The following ASCL5 variants were observed in gnomAD, a reference collection of about 807,000 sequenced individuals.
ASCL5 encodes the protein achaete-scute homolog 5.
For missense variants in ASCL5, 262 were observed against 268.9 expected (o/e 0.97, Z 0.18); for synonymous variants, 124 against 131.5 (o/e 0.94, Z 0.39).
At chr1:201,124,320 C>G (rs927739205) in intron 1 of ASCL5, among the ~76,000 whole-genome samples, 1 of 152,154 alleles carries the variant, frequency 6.6e-6, no homozygotes, top group African/African-American at 2.4e-5. Context: ...GGGTGGGTAC[C>G]ATGGAAGCTG....
At chr1:201,117,536 A>G (rs1300404266) in intron 1 of ASCL5, among the ~76,000 whole-genome samples, 2 of 152,260 alleles carry the variant, frequency 1.3e-5, no homozygotes, top group East Asian at 3.9e-4. Context: ...TTTCAAGAGA[A>G]GGTTCTAGAA....
intron 1 of ASCL5, among the ~76,000 whole-genome samples, chr1:201,126,331 G>A (rs1663580686): frequency 6.6e-6 from 1 of 151,984 alleles, no homozygotes; most frequent in Non-Finnish European, 1.5e-5. Flanking sequence ...TGAACTTCTG[G>A]CTTCAAGTGA....
intron 1 of ASCL5, among the ~76,000 whole-genome samples, chr1:201,120,659 G>A (rs993989154): frequency 1.3e-5 from 2 of 152,232 alleles, no homozygotes; most frequent in Non-Finnish European, 2.9e-5. Context: ...GAACTTTGAA[G>A]AAGCAGACAA....
chr1:201,122,196 G>C (rs1186841265), intron 1 of ASCL5, among the ~76,000 whole-genome samples: 1 of 152,148 alleles, frequency 6.6e-6, no homozygotes, highest in African/African-American at 2.4e-5. Flanking sequence ...GGGCCCCAGA[G>C]CCTGCTTAGC....
intron 1 of ASCL5, among the ~76,000 whole-genome samples, chr1:201,118,028 T>C (rs1447238707): frequency 3.9e-5 from 6 of 152,262 alleles, no homozygotes; most frequent in Admixed American, 3.9e-4. Context: ...CAAGTACAAC[T>C]TACTATTTGT....
chr1:201,116,931 C>A (rs1663361801), intron 1 of ASCL5, among the ~76,000 whole-genome samples: 1 of 152,142 alleles, frequency 6.6e-6, no homozygotes, highest in African/African-American at 2.4e-5. Flanking sequence ...ACGGCCTCTC[C>A]AAGAGACAGA....
chr1:201,115,078 C>T lies in ASCL5; in HGVS notation c.295G>A (p.Val99Ile), dbSNP rs1423489866. The T allele has an allele frequency of 3.2e-6, 4 of 1,231,830 alleles. No homozygotes were observed. In the East Asian group the frequency reaches 1.3e-4, roughly 39 times the overall value. 76.3% of individuals were successfully genotyped at this position (1,231,830 alleles called of 1,614,324 possible). The part of the protein sequence containing the change: ...NERERQRVKC[V>I]NEGYARLRGH... The stretch of plus-strand genomic sequence containing the variant: ...CGGAGGCGAGCGTAGCCCTCGTTGA[C>T]GCACTTGACTCGCTGCCTCTCGCGC... Residue 99 changes from valine (V) to isoleucine (I), a missense_variant, in exon 2 of 2, where the codon GTC (valine) becomes ATC (isoleucine). Coordinates refer to ENST00000449188, the MANE Select transcript of ASCL5 (RefSeq NM_001270601.2).
At chr1:201,121,476 AT>A (rs916875626) in intron 1 of ASCL5, among the ~76,000 whole-genome samples, 29 of 152,246 alleles carry the variant, frequency 1.9e-4, no homozygotes, top group African/African-American at 6.0e-4. Context: ...TCCTTTAGGA[AT>A]TCAGTTTTGT....
rs80231714 is a variant in ASCL5, at chr1:201,115,461, A to G, written c.-89T>C. 0.018 allele frequency: 19,738 copies of G among 1,110,980 alleles called. 412 individuals carry two copies. Among genetic ancestry groups the G allele is most frequent in the East Asian group, 0.089 (2,760 of 31,046 alleles). The allele number at this position is 1,110,980 out of a possible 1,614,324, so 68.8% of individuals were successfully genotyped here. A position where few individuals can be genotyped will look rare whatever the true frequency, so the allele number is the denominator to read the frequency against. On this transcript the variant is annotated 5_prime_UTR_variant, in exon 2 of 2. An upstream open reading frame in the 5' UTR loses its in-frame stop. Coordinates refer to ENST00000449188, the MANE Select transcript of ASCL5 (RefSeq NM_001270601.2). ...ACCGTCTCCACCAGTGGGGCAAGTC[A>G]CATCGCTAGCAGCAGCTCTTGGGTA...
At chr1:201,125,717 C>A (rs997815883) in intron 1 of ASCL5, among the ~76,000 whole-genome samples, 6 of 152,140 alleles carry the variant, frequency 3.9e-5, no homozygotes, top group Non-Finnish European at 8.8e-5. Context: ...CTGTATCCTG[C>A]GGGCCCAGCC....
intron 1 of ASCL5, among the ~76,000 whole-genome samples, chr1:201,122,197 C>T (rs921053688): frequency 1.3e-5 from 2 of 152,170 alleles, no homozygotes; most frequent in African/African-American, 4.8e-5. Flanking sequence ...GGCCCCAGAG[C>T]CTGCTTAGCC....
rs1285241394 is a variant in ASCL5 at position 201,114,676 on chromosome 1, A to G, written c.*76T>C. On this transcript the variant is annotated 3_prime_UTR_variant, in exon 2 of 2. Coordinates refer to ENST00000449188, the MANE Select transcript of ASCL5 (RefSeq NM_001270601.2). ...CCTGCGGCGCATCGCGGGTGACCCA[A>G]CAGCCTCCCGCTGCTCCCGAAAGTG... 1 of 1,198,244 alleles carries G rather than the reference A, an allele frequency of 8.3e-7. No homozygotes were observed. Among genetic ancestry groups the G allele is most frequent in the Admixed American group, 4.3e-5 (1 of 23,444 alleles). The allele number at this position is 1,198,244 out of a possible 1,614,324, so 74.2% of individuals were successfully genotyped here. A position where few individuals can be genotyped will look rare whatever the true frequency, so the allele number is the denominator to read the frequency against.
rs531346128 is a variant in ASCL5 at position 201,114,749 on chromosome 1, C to A, written c.*3G>T. On this transcript the variant is annotated 3_prime_UTR_variant, in exon 2 of 2. Transcript: ENST00000449188. ...TCCAAGCCGGGGGCGGCCACAGGCC[C>A]GATCAATGCCAGGATTCCTCCGACT... 734 of 1,230,992 alleles carry A rather than the reference C, an allele frequency of 6.0e-4. 1 individual carries two copies. The highest frequency in any genetic ancestry group is 6.9e-4 in the Non-Finnish European group (685 of 987,484). The allele number at this position is 1,230,992 out of a possible 1,614,324, so 76.3% of individuals were successfully genotyped here. A position where few individuals can be genotyped will look rare whatever the true frequency, so the allele number is the denominator to read the frequency against.
Position 201,116,546 on chromosome 1 carries a change from A to T in ASCL5, c.-505-669T>A, listed in dbSNP as rs558901011. Among the ~76,000 whole-genome samples the T allele has an allele frequency of 2.6e-5, 4 of 152,290 alleles. No individual in the cohort carries two copies. The East Asian group carries it at 7.7e-4, about 29-fold the overall frequency. ...GAGCCTAGCCCAGCCCCTGTTGAGTATTAGATGCTCCACAAATACATGTGG... is the reference window on the plus strand; with the variant it reads ...GAGCCTAGCCCAGCCCCTGTTGAGTTTTAGATGCTCCACAAATACATGTGG... On this transcript the variant is annotated intron_variant, in intron 1 of 1. Transcript: ENST00000449188.
Position 201,115,282 on chromosome 1 carries a change from G to A in ASCL5, c.91C>T (p.Gln31Ter), listed in dbSNP as rs545694023. The A allele has an allele frequency of 1.6e-6, 2 of 1,231,194 alleles. No individual in the cohort carries two copies. Among genetic ancestry groups the A allele is most frequent in the Admixed American group, 4.2e-5 (1 of 23,722 alleles). The allele number at this position is 1,231,194 out of a possible 1,614,324, so 76.3% of individuals were successfully genotyped here. Reference sequence around the variant, plus strand: ...GGCTCGGCGGGGGGCAGGGGCGCCTGCCGGGGAGGGGGCATGACGCCCAGC... The same window carrying A: ...GGCTCGGCGGGGGGCAGGGGCGCCTACCGGGGAGGGGGCATGACGCCCAGC... ...MQLGVMPPPR[Q>*]APLPPAEPLG... Residue 31 changes from glutamine (Q) to a stop codon, truncating the protein, a stop_gained, in exon 2 of 2, where the codon CAG (glutamine) becomes TAG (stop). Transcript: ENST00000449188. LOFTEE classifies it low-confidence loss of function (END_TRUNC).
intron 1 of ASCL5, among the ~76,000 whole-genome samples, chr1:201,120,959 G>A (rs1047371098): frequency 1.3e-5 from 2 of 152,210 alleles, no homozygotes; most frequent in Admixed American, 6.5e-5. Context: ...TTGTAAGGAA[G>A]CCCCAAGGAC....
Position 201,114,843 on chromosome 1 carries a change from G to T in ASCL5, c.530C>A (p.Ala177Asp). The T allele has an allele frequency of 8.1e-7, 1 of 1,227,744 alleles. No individual in the cohort carries two copies. The highest frequency in any genetic ancestry group is 1.0e-6 in the Non-Finnish European group (1 of 985,414). 76.1% of individuals were successfully genotyped at this position (1,227,744 alleles called of 1,614,324 possible). Residue 177 changes from alanine to aspartate, a missense_variant, in exon 2 of 2, where the codon GCC (alanine) becomes GAC (aspartate). Transcript: ENST00000449188. ...CGGCACCAGGGAGGAGGGCGCCCGG[G>T]CCTCGCCGTCGCCAGGGCGGTCGGG... ...PRPDRPGDGEARAPSSLVPES... is the reference protein window; with the variant it reads ...PRPDRPGDGEDRAPSSLVPES...
chr1:201,122,152 CT>C (rs1264568084), intron 1 of ASCL5, among the ~76,000 whole-genome samples: 1 of 152,200 alleles, frequency 6.6e-6, no homozygotes, highest in Non-Finnish European at 1.5e-5. Flanking sequence ...CACTTGCCCC[CT>C]TAGCCTGCAC....
chr1:201,121,695 G>T (rs565988168), intron 1 of ASCL5, among the ~76,000 whole-genome samples: 20 of 152,072 alleles, frequency 1.3e-4, no homozygotes, highest in Non-Finnish European at 2.9e-4. Flanking sequence ...ACTGGATGTG[G>T]TGATGCATGC....
Sources: allele counts gnomAD v4.1 joint callset (sites outside exome capture counted in the v4.1 genomes callset), GRCh38; gene constraint gnomAD v4.1.1; transcripts MANE v1.5; gene names NCBI Gene and HGNC (gene_info 2026-07-23, HGNC 2026-07-21).